The following NRG2 variants were observed in gnomAD, a reference collection of about 807,000 sequenced individuals.
NRG2 encodes neuregulin 2.
In NRG2, 27 loss-of-function variants were observed where a neutral mutation model predicts 73.9. The ratio of observed to expected loss-of-function variants is 0.37; its 90% CI spans 0.27 to 0.50. The LOEUF (loss-of-function observed/expected upper bound fraction) is 0.50. Ranked by LOEUF, NRG2 falls within the 20% of genes least tolerant of loss-of-function variation. The pLI, the probability that NRG2 is intolerant of heterozygous loss-of-function variation, is 0.96. For missense variants in NRG2, 1,126 were observed against 1,210.1 expected (o/e 0.93, Z 1.03); for synonymous variants, 532 against 541.0 (o/e 0.98, Z 0.23).
intron 1 of NRG2, among the ~76,000 whole-genome samples, chr5:139,989,112 A>C (rs1757386978): frequency 6.6e-6 from 1 of 152,044 alleles, no homozygotes; most frequent in African/African-American, 2.4e-5. Flanking sequence ...ATAAGAGCAG[A>C]CTGTTAAATT....
intron 1 of NRG2, among the ~76,000 whole-genome samples, chr5:139,991,860 C>T (rs1757654954): frequency 6.6e-6 from 1 of 152,096 alleles, no homozygotes; most frequent in Non-Finnish European, 1.5e-5. Flanking sequence ...TACAGAAGTT[C>T]CATATCTATG....
chr5:139,849,076 T>C (rs1014482629), intron 9 of NRG2, among the ~76,000 whole-genome samples: 5 of 152,176 alleles, frequency 3.3e-5, no homozygotes, highest in African/African-American at 1.2e-4. Context: ...ATGTTCCATC[T>C]GGTTTAATAC....
intron 1 of NRG2, among the ~76,000 whole-genome samples, chr5:139,993,092 G>A (rs1373235499): frequency 1.3e-5 from 2 of 151,762 alleles, no homozygotes; most frequent in Non-Finnish European, 2.9e-5. Flanking sequence ...TGAATATAAT[G>A]TGATGATTGC....
chr5:139,954,526 A>G lies in NRG2; in HGVS notation c.701-67015T>C, dbSNP rs1408331168. On this transcript the variant is annotated intron_variant, in intron 1 of 9. Transcript: ENST00000361474. The surrounding 1 kb of genome is among the most constrained non-coding windows in gnomAD (Gnocchi z 5.0). ...GCTGAGGAAGTGGCAATGGCTTCTC[A>G]ACGCCTTAGTCAAGATAAATAAACT... is the stretch of plus-strand genomic sequence containing the variant. Among the ~76,000 whole-genome samples, 1 of 152,140 alleles carries G rather than the reference A, an allele frequency of 6.6e-6. No individual in the cohort carries two copies. Among genetic ancestry groups the G allele is most frequent in the Non-Finnish European group, 1.5e-5 (1 of 68,028 alleles).
At chr5:139,980,797 C>A (rs577677115) in intron 1 of NRG2, among the ~76,000 whole-genome samples, 1 of 152,302 alleles carries the variant, frequency 6.6e-6, no homozygotes, top group East Asian at 1.9e-4. Context: ...ACCACTAATT[C>A]TCCCCACAAT....
chr5:139,939,483 C>A (rs903814399), intron 1 of NRG2, among the ~76,000 whole-genome samples: 1 of 152,044 alleles, frequency 6.6e-6, no homozygotes, highest in South Asian at 2.1e-4. Flanking sequence ...CCGTGTTGCC[C>A]AGGCTGGTCT....
chr5:139,900,449 G>A (rs573550229), intron 1 of NRG2, among the ~76,000 whole-genome samples: 116 of 152,346 alleles, frequency 7.6e-4, no homozygotes, highest in African/African-American at 2.6e-3. Flanking sequence ...GGAAGACTGG[G>A]AAAATGGGCT....
intron 1 of NRG2, among the ~76,000 whole-genome samples, chr5:140,016,867 T>G (rs1759823675): frequency 6.6e-6 from 1 of 151,696 alleles, no homozygotes; most frequent in African/African-American, 2.4e-5. Flanking sequence ...AAGGGTGGAG[T>G]GTGGAGCAGG....
chr5:139,904,535 G>T lies in NRG2; in HGVS notation c.701-17024C>A. ...ACCCTCCGGGGGAGGGGAGCAGCGA[G>T]CCTTAACTCTTCCCCTCCCGCGCCC... On this transcript the variant is annotated intron_variant, in intron 1 of 9. Transcript: ENST00000361474. The surrounding 1 kb of genome is among the most constrained non-coding windows in gnomAD (Gnocchi z 6.0). 1 of 506,156 alleles carries T rather than the reference G, an allele frequency of 2.0e-6. No homozygotes were observed. 31.4% of individuals were successfully genotyped at this position (506,156 alleles called of 1,614,324 possible). A position where few individuals can be genotyped will look rare whatever the true frequency, so the allele number is the denominator to read the frequency against.
At chr5:139,952,029 A>T (rs73271494) in intron 1 of NRG2, among the ~76,000 whole-genome samples, 2,647 of 152,330 alleles carry the variant, frequency 0.017, 98 homozygotes, top group African/African-American at 0.061. Context: ...CTTCCTAGCC[A>T]TGTGACCATG....
chr5:139,984,372 AGTAG>A (rs1362138201), intron 1 of NRG2, among the ~76,000 whole-genome samples: 31 of 152,372 alleles, frequency 2.0e-4, no homozygotes, highest in Non-Finnish European at 4.6e-4. Flanking sequence ...ACTATACAAT[AGTAG>A]GTAAGAAAAG....
At chr5:139,965,534 C>G (rs1328789726) in intron 1 of NRG2, among the ~76,000 whole-genome samples, 2 of 152,252 alleles carry the variant, frequency 1.3e-5, no homozygotes, top group African/African-American at 4.8e-5. Flanking sequence ...TGCCACCACA[C>G]AGCAGTGCTG....
chr5:139,987,253 G>A (rs541555059), intron 1 of NRG2, among the ~76,000 whole-genome samples: 6 of 150,790 alleles, frequency 4.0e-5, no homozygotes, highest in Admixed American at 2.0e-4. Flanking sequence ...GGCGGTGAGC[G>A]CCTGTAGTCC....
intron 1 of NRG2, among the ~76,000 whole-genome samples, chr5:140,002,230 A>G (rs900081872): frequency 7.2e-5 from 11 of 152,148 alleles, no homozygotes; most frequent in African/African-American, 2.7e-4. Flanking sequence ...GTGACAGGGG[A>G]AAAAAAGACA....
At chr5:139,893,707 A>G (rs991429401) in intron 1 of NRG2, among the ~76,000 whole-genome samples, 9 of 152,066 alleles carry the variant, frequency 5.9e-5, no homozygotes, top group African/African-American at 2.2e-4. Flanking sequence ...TACTTCATCC[A>G]TTCTCTTCCT....
chr5:140,020,109 G>A (rs1417709837), intron 1 of NRG2, among the ~76,000 whole-genome samples: 2 of 152,194 alleles, frequency 1.3e-5, no homozygotes, highest in Non-Finnish European at 2.9e-5. Context: ...CGTACAGCAA[G>A]AGGACAGAGG....
chr5:139,937,634 C>A (rs1457075348), intron 1 of NRG2, among the ~76,000 whole-genome samples: 2 of 152,106 alleles, frequency 1.3e-5, no homozygotes, highest in East Asian at 1.9e-4. Context: ...ATATAAAAAT[C>A]AAATGTATTT....
rs1225170337 is a variant in NRG2 at position 139,887,792 on chromosome 5, T to A, written c.701-281A>T. Among the ~76,000 whole-genome samples, 2 of 152,160 alleles carry A rather than the reference T, an allele frequency of 1.3e-5. No homozygotes were observed. The highest frequency in any genetic ancestry group is 2.1e-4 in the South Asian group (1 of 4,834). ...TTATGAAACCTTCACAGTAACCCCA[T>A]GAGCTCACAGCAATGGTTAAACCCA... On this transcript the variant is annotated intron_variant, in intron 1 of 9. Transcript: ENST00000361474. This position sits in a 1 kb window ranked among gnomAD's most constrained non-coding sequence, Gnocchi z 4.5.
chr5:139,895,945 C>T (rs1003528755), intron 1 of NRG2, among the ~76,000 whole-genome samples: 1 of 152,240 alleles, frequency 6.6e-6, no homozygotes, highest in Non-Finnish European at 1.5e-5. Flanking sequence ...CCGTCTCTTG[C>T]TCAGGGAATT....
Sources: gnomAD v4.1 joint callset for allele counts (sites outside exome capture counted in the v4.1 genomes callset) on GRCh38, gnomAD v4.1.1 for gene constraint, Gnocchi (gnomAD v3.1) non-coding constraint, MANE v1.5 for transcripts, NCBI Gene and HGNC (gene_info 2026-07-23, HGNC 2026-07-21) for gene names.